Variants in SLC35D1 observed in about 807,000 individuals in gnomAD.
SLC35D1 encodes nucleotide sugar transporter SLC35D1.
Under a neutral mutation model 46.7 loss-of-function variants are expected in SLC35D1, and 31 were observed. The ratio of observed to expected loss-of-function variants is 0.66; its 90% CI spans 0.50 to 0.90. The LOEUF is 0.90. SLC35D1 is among the 40% of genes least tolerant of loss of function. The pLI, the probability that SLC35D1 is intolerant of heterozygous loss-of-function variation, is 0.00. For missense variants in SLC35D1, 397 were observed against 426.2 expected (o/e 0.93, Z 0.60); for synonymous variants, 195 against 164.6 (o/e 1.18, Z -1.41).
At chr1:67,028,356 G>A (rs1667955691) in intron 8 of SLC35D1, among the ~76,000 whole-genome samples, 1 of 152,192 alleles carries the variant, frequency 6.6e-6, no homozygotes, top group South Asian at 2.1e-4. Context: ...GATCAAGCTT[G>A]TTGACAGTAT....
At chr1:67,044,772 C>T (rs1390929043) in intron 7 of SLC35D1, among the ~76,000 whole-genome samples, 2 of 152,210 alleles carry the variant, frequency 1.3e-5, no homozygotes, top group African/African-American at 4.8e-5. Flanking sequence ...TGCCATATGA[C>T]TCATACTCAA....
chr1:66,979,479 A>G, the SLC35D1 span, among the ~76,000 whole-genome samples: 3 of 152,286 alleles, frequency 2.0e-5, no homozygotes, highest in South Asian at 4.1e-4. Flanking sequence ...CCTATTTACT[A>G]CCTGGAAGAA....
chr1:67,004,515 G>A (rs1558148285), intron 11 of SLC35D1, 67 bp from the exon 12 acceptor site: 1 of 1,405,474 alleles, frequency 7.1e-7, no homozygotes, highest in African/African-American at 1.4e-5. Context: ...ACTCTACTCA[G>A]TAAAAAAACT....
At chr1:66,988,330 CTCT>C in the SLC35D1 span, 6 of 152,300 alleles carry the variant, frequency 3.9e-5, no homozygotes, top group South Asian at 4.1e-4. Flanking sequence ...AAAATTAACT[CTCT>C]TCTTTAATAT....
Position 67,004,355 on chromosome 1 carries a change from C to T in SLC35D1, c.1053G>A (p.Gly351=). Residue 351 remains glycine (G), a synonymous_variant, in exon 12 of 12, where the codon GGG becomes GGA. Coordinates refer to ENST00000235345, the MANE Select transcript of SLC35D1 (RefSeq NM_015139.3). ...SEANNKLDIK[G]KGAV is the part of the protein sequence containing the mutation. ...AATCCTCTGGTCACACTGCTCCTTT[C>T]CCCTTAATGTCCAGCTTGTTATTAG... 2 of 1,614,032 alleles carry T rather than the reference C, an allele frequency of 1.2e-6. No individual in the cohort carries two copies. Among genetic ancestry groups the T allele is most frequent in the Non-Finnish European group, 1.7e-6 (2 of 1,179,924 alleles).
At chr1:66,994,936 A>AG (rs1667222692), downstream of SLC35D1, among the ~76,000 whole-genome samples, 1 of 148,870 alleles carries the variant, frequency 6.7e-6, no homozygotes, top group East Asian at 2.0e-4. Flanking sequence ...AAAAAAAAAA[A>AG]GAAGAAACAA....
chr1:67,002,300 G>C lies in SLC35D1; in HGVS notation c.*2040C>G, dbSNP rs1269695852. On this transcript the variant is annotated 3_prime_UTR_variant, in exon 12 of 12. Transcript: ENST00000235345. ...GCTGTCACTCTTCCTGATTTGCAAA[G>C]TATGCTCCTCTCTGACACCAAATTC... is the stretch of plus-strand genomic sequence containing the variant. 6.6e-6 allele frequency: 1 copy of C among 152,352 alleles called. No individual in the cohort carries two copies. The highest frequency in any genetic ancestry group is 1.5e-5 in the Non-Finnish European group (1 of 68,050). The allele number at this position is 152,352 out of a possible 1,614,324, so 9.4% of individuals were successfully genotyped here.
Position 67,020,221 on chromosome 1 carries a change from T to G in SLC35D1, c.876+148A>C, listed in dbSNP as rs2102277210. ...CCTCCCTGCATTCTTAAAGAATATT[T>G]CAGAAACTATCACCACAATTTGTCA... On this transcript the variant is annotated intron_variant, in intron 10 of 11. Transcript: ENST00000235345. 6.2e-6 allele frequency: 4 copies of G among 648,564 alleles called. No homozygotes were observed. The East Asian group carries it at 1.2e-4, about 19-fold the overall frequency. The allele number at this position is 648,564 out of a possible 1,614,324, so 40.2% of individuals were successfully genotyped here.
chr1:66,983,238 T>TA, the SLC35D1 span, among the ~76,000 whole-genome samples: 1 of 152,262 alleles, frequency 6.6e-6, no homozygotes, highest in African/African-American at 2.4e-5. Context: ...TTTGAAATCT[T>TA]ACAGTTATTT....
chr1:66,983,183 A>G, the SLC35D1 span, among the ~76,000 whole-genome samples: 1 of 152,200 alleles, frequency 6.6e-6, no homozygotes, highest in African/African-American at 2.4e-5. Context: ...GGAACTTTTC[A>G]TCCCAATGTT....
Position 67,047,386 on chromosome 1 carries a change from A to G in SLC35D1, c.534-19T>C. Reference sequence around the variant, plus strand: ...GTCAGAGCTGCAAAACATAAGCAACACTTTAAGAACAACTTAAAGAACATG... The same window carrying G: ...GTCAGAGCTGCAAAACATAAGCAACGCTTTAAGAACAACTTAAAGAACATG... On this transcript the variant is annotated intron_variant, in intron 6 of 11. Coordinates refer to ENST00000235345, the MANE Select transcript of SLC35D1 (RefSeq NM_015139.3). The G allele has an allele frequency of 6.3e-7, 1 of 1,584,716 alleles. No homozygotes were observed. Among genetic ancestry groups the G allele is most frequent in the Admixed American group, 1.7e-5 (1 of 59,964 alleles).
chr1:67,018,263 C>G (rs1406437418), intron 10 of SLC35D1, among the ~76,000 whole-genome samples: 1 of 152,096 alleles, frequency 6.6e-6, no homozygotes. Flanking sequence ...ACAAGGCTAG[C>G]AGGCAACTTA....
intron 8 of SLC35D1, among the ~76,000 whole-genome samples, chr1:67,039,995 ATT>A (rs11300562): frequency 1.5e-3 from 208 of 140,084 alleles, no homozygotes; most frequent in African/African-American, 3.1e-3. Context: ...TTACATCACA[ATT>A]TTTTTTTTTT....
At position 67,004,260 on chromosome 1, in the gene SLC35D1, T is replaced by A; in HGVS notation, c.*80A>T. The A allele has an allele frequency of 1.7e-6, 2 of 1,144,230 alleles. No homozygotes were observed. The highest frequency in any genetic ancestry group is 2.6e-6 in the Non-Finnish European group (2 of 754,986). The allele number at this position is 1,144,230 out of a possible 1,614,324, so 70.9% of individuals were successfully genotyped here. ...TTATTTCCTCCATAATCAAGACACC[T>A]CAGTGTCTCTGTAGGAACTGCCAGT... is the stretch of plus-strand genomic sequence containing the variant. On this transcript the variant is annotated 3_prime_UTR_variant, in exon 12 of 12. Transcript: ENST00000235345.
intron 7 of SLC35D1, among the ~76,000 whole-genome samples, chr1:67,042,646 A>G (rs2102347357): frequency 6.6e-6 from 1 of 152,192 alleles, no homozygotes; most frequent in Middle Eastern, 3.4e-3. Flanking sequence ...GAACACATAC[A>G]CACACACACA....
At position 67,007,945 on chromosome 1, in the gene SLC35D1, AT is replaced by A. The variant is rs1318940032; in HGVS notation, c.959+1139del. On this transcript the variant is annotated intron_variant, in intron 11 of 11. Coordinates refer to ENST00000235345, the MANE Select transcript of SLC35D1 (RefSeq NM_015139.3). ...AGTACTATGAAATTGGTGTTAATAC[AT>A]TAGATCATCCTAAATATTCATTTTT... is the stretch of plus-strand genomic sequence containing the variant. 2.0e-5 allele frequency among the ~76,000 whole-genome samples: 3 copies of A among 152,374 alleles called. No homozygotes were observed. The East Asian group carries it at 5.8e-4, about 29-fold the overall frequency.
At chr1:67,029,663 CTT>C (rs1276899856) in intron 8 of SLC35D1, among the ~76,000 whole-genome samples, 2 of 152,174 alleles carry the variant, frequency 1.3e-5, no homozygotes, top group African/African-American at 2.4e-5. Flanking sequence ...GTGAACTTTG[CTT>C]TTGTTTTAAT....
At chr1:67,041,343 G>C (rs925176895) in intron 8 of SLC35D1, among the ~76,000 whole-genome samples, 1 of 152,100 alleles carries the variant, frequency 6.6e-6, no homozygotes, top group Non-Finnish European at 1.5e-5. Context: ...GGTATGATGG[G>C]GGGTGGGAAA....
chr1:67,053,881 C>T lies in SLC35D1; in HGVS notation c.133G>A (p.Ala45Thr), dbSNP rs752075954. The change falls in exon 1 of 12, where the codon GCC (alanine) becomes ACC (threonine). Residue 45 changes from alanine to threonine, a missense_variant. By Grantham distance (58) the Ala-to-Thr change is moderately conservative (BLOSUM62 0). Transcript: ENST00000235345. ...ETLTVFLKLL[A>T]AGFYGVSSFL... The stretch of plus-strand genomic sequence containing the variant: ...GAGCTCACGCCGTAAAAGCCGGCGG[C>T]CAGCAGCTTCAGAAACACGGTCAGC... 6.2e-7 allele frequency: 1 copy of T among 1,613,594 alleles called. No homozygotes were observed. Among genetic ancestry groups the T allele is most frequent in the Non-Finnish European group, 8.5e-7 (1 of 1,179,736 alleles).
Sources: allele counts gnomAD v4.1 joint callset (sites outside exome capture counted in the v4.1 genomes callset), GRCh38; gene constraint gnomAD v4.1.1; transcripts MANE v1.5; gene names NCBI Gene and HGNC (gene_info 2026-07-23, HGNC 2026-07-21).